Variants in DKK2 observed in about 807,000 individuals in gnomAD.
DKK2 encodes the protein dickkopf Wnt signaling pathway inhibitor 2.
DKK2 carries 11 observed loss-of-function variants against 28.1 expected under a neutral mutation model. The observed-to-expected ratio is 0.39, with a 90% CI of 0.25 to 0.65. The LOEUF (loss-of-function observed/expected upper bound fraction) is 0.65. DKK2 is among the 30% of genes least tolerant of loss of function. DKK2 has a pLI of 0.47. For missense variants in DKK2, 326 were observed against 335.5 expected (o/e 0.97, Z 0.22); for synonymous variants, 135 against 126.5 (o/e 1.07, Z -0.45).
At chr4:106,998,027 C>T (rs1377313791) in intron 1 of DKK2, among the ~76,000 whole-genome samples, 3 of 152,146 alleles carry the variant, frequency 2.0e-5, no homozygotes, top group Non-Finnish European at 4.4e-5. Flanking sequence ...GCTGTCAGAA[C>T]TGTTGAAGAA....
rs866473747 is a variant in DKK2, at chr4:107,001,719, G to A, written c.222+33651C>T. Reference sequence around the variant, plus strand: ...GGATTACCATGTTTCATACCATTCAGTGTGTTCTCACTCAGAAGACAATAT... The same window carrying A: ...GGATTACCATGTTTCATACCATTCAATGTGTTCTCACTCAGAAGACAATAT... On this transcript the variant is annotated intron_variant, in intron 1 of 3. Transcript: ENST00000285311. 5.9e-5 allele frequency among the ~76,000 whole-genome samples: 9 copies of A among 152,244 alleles called. 1 individual carries two copies. In the Middle Eastern group the frequency reaches 0.01, roughly 173 times the overall value.
chr4:107,005,222 T>A (rs1723418812), intron 1 of DKK2, among the ~76,000 whole-genome samples: 1 of 150,854 alleles, frequency 6.6e-6, no homozygotes, highest in African/African-American at 2.4e-5. Context: ...ACACCTGTAG[T>A]CCCAGCTACT....
chr4:106,930,499 A>G (rs1308499319), intron 1 of DKK2, among the ~76,000 whole-genome samples: 1 of 152,218 alleles, frequency 6.6e-6, no homozygotes, highest in Admixed American at 6.5e-5. Context: ...ACCTTTGACT[A>G]CAATTAAAAC....
chr4:106,968,766 G>A (rs1019829814), intron 1 of DKK2, among the ~76,000 whole-genome samples: 2 of 152,114 alleles, frequency 1.3e-5, no homozygotes, highest in Non-Finnish European at 2.9e-5. Flanking sequence ...AGATTCCCAA[G>A]TGGTTGTCAC....
At chr4:107,035,012 T>C (rs1292586267) in intron 1 of DKK2, among the ~76,000 whole-genome samples, 1 of 152,210 alleles carries the variant, frequency 6.6e-6, no homozygotes, top group African/African-American at 2.4e-5. Context: ...TGGCACGTTA[T>C]TAGGTGCTAT....
At chr4:106,942,598 C>G (rs899790698) in intron 1 of DKK2, among the ~76,000 whole-genome samples, 4 of 152,040 alleles carry the variant, frequency 2.6e-5, no homozygotes, top group Admixed American at 6.6e-5. Flanking sequence ...GAAAGGAAAA[C>G]TCAGATAAGA....
intron 1 of DKK2, among the ~76,000 whole-genome samples, chr4:106,958,747 G>T (rs949297429): frequency 1.3e-5 from 2 of 148,834 alleles, no homozygotes; most frequent in Non-Finnish European, 3.0e-5. Flanking sequence ...TGAGGCAGGA[G>T]AATCGCCTGA....
chr4:106,989,126 G>A (rs1215572604), intron 1 of DKK2, among the ~76,000 whole-genome samples: 2 of 152,110 alleles, frequency 1.3e-5, no homozygotes, highest in South Asian at 2.1e-4. Flanking sequence ...GGTTACTCCT[G>A]GGGTCAAGAA....
chr4:106,946,842 G>A (rs556941528), intron 1 of DKK2, among the ~76,000 whole-genome samples: 3 of 151,968 alleles, frequency 2.0e-5, no homozygotes, highest in South Asian at 2.1e-4. Context: ...TTATAAATAG[G>A]TGCTCTACCT....
chr4:106,992,374 G>A (rs1723217333), intron 1 of DKK2, among the ~76,000 whole-genome samples: 1 of 152,152 alleles, frequency 6.6e-6, no homozygotes, highest in Non-Finnish European at 1.5e-5. Context: ...CTTCTCCAGT[G>A]TGGTCTCTGG....
chr4:106,927,892 A>G (rs1724445867), intron 1 of DKK2, among the ~76,000 whole-genome samples: 1 of 152,202 alleles, frequency 6.6e-6, no homozygotes, highest in African/African-American at 2.4e-5. Flanking sequence ...GGAAATAAAC[A>G]TGTGCCACAT....
chr4:106,934,922 C>G (rs1336762713), intron 1 of DKK2, among the ~76,000 whole-genome samples: 1 of 152,010 alleles, frequency 6.6e-6, no homozygotes, highest in East Asian at 1.9e-4. Context: ...AATGTAGAAC[C>G]TATACACAAG....
chr4:106,972,006 G>C (rs1722874207), intron 1 of DKK2, among the ~76,000 whole-genome samples: 1 of 151,936 alleles, frequency 6.6e-6, no homozygotes, highest in Non-Finnish European at 1.5e-5. Context: ...TGTTATGAAG[G>C]GTCCATTAAT....
intron 1 of DKK2, among the ~76,000 whole-genome samples, chr4:106,948,100 T>C (rs1724804634): frequency 6.6e-6 from 1 of 152,146 alleles, no homozygotes; most frequent in Admixed American, 6.5e-5. Context: ...TTAACTTCAG[T>C]TTTACGGGTG....
chr4:106,959,283 T>C (rs893574338), intron 1 of DKK2, among the ~76,000 whole-genome samples: 47 of 152,182 alleles, frequency 3.1e-4, no homozygotes, highest in Admixed American at 2.9e-3. Flanking sequence ...GCTCATTTTA[T>C]TAAGCTGTTT....
intron 1 of DKK2, among the ~76,000 whole-genome samples, chr4:106,988,313 C>T (rs1198985913): frequency 6.6e-6 from 1 of 152,062 alleles, no homozygotes; most frequent in African/African-American, 2.4e-5. Context: ...AACATTGACT[C>T]CTTGTTTTCA....
chr4:107,007,841 C>T (rs1379801591), intron 1 of DKK2, among the ~76,000 whole-genome samples: 1 of 152,098 alleles, frequency 6.6e-6, no homozygotes, highest in Non-Finnish European at 1.5e-5. Context: ...AGTGTATATA[C>T]ATAAAAACAT....
At chr4:106,992,994 T>C (rs1189287572) in intron 1 of DKK2, among the ~76,000 whole-genome samples, 1 of 152,244 alleles carries the variant, frequency 6.6e-6, no homozygotes, top group Non-Finnish European at 1.5e-5. Flanking sequence ...GAATTCCATA[T>C]GGATACTGCA....
rs71590176 is a variant in DKK2, at chr4:107,027,756, A to ATTTTTTTTTTTTTTT, written c.222+7613_222+7614insAAAAAAAAAAAAAAA. Among the ~76,000 whole-genome samples the ATTTTTTTTTTTTTTT allele has an allele frequency of 4.1e-4, 56 of 135,300 alleles. 2 individuals are homozygous for ATTTTTTTTTTTTTTT. Among genetic ancestry groups the ATTTTTTTTTTTTTTT allele is most frequent in the East Asian group, 9.8e-4 (4 of 4,086 alleles). 88.8% of individuals were successfully genotyped at this position (135,300 alleles called of 152,430 possible). A position where few individuals can be genotyped will look rare whatever the true frequency, so the allele number is the denominator to read the frequency against. ...TTGCTTATGACCTCCACCTATTATG[A>ATTTTTTTTTTTTTTT]TTTTTTTTTTTTTGAGACAGAGTCT... is the stretch of plus-strand genomic sequence containing the variant. On this transcript the variant is annotated intron_variant, in intron 1 of 3. Transcript: ENST00000285311.
Sources: gnomAD v4.1 joint callset for allele counts (sites outside exome capture counted in the v4.1 genomes callset) on GRCh38, gnomAD v4.1.1 for gene constraint, MANE v1.5 for transcripts, NCBI Gene and HGNC (gene_info 2026-07-23, HGNC 2026-07-21) for gene names.